CPLX2: variants seen among roughly 807,000 people sequenced by gnomAD.
CPLX2 encodes complexin 2, also known as complexin-2.
A neutral mutation model predicts 16.3 loss-of-function variants in CPLX2; 5 were observed. The ratio of observed to expected loss-of-function variants is 0.31; its 90% CI spans 0.16 to 0.64. CPLX2 has a LOEUF of 0.64. CPLX2 is among the 30% of genes least tolerant of loss of function. The pLI is 0.79. For synonymous variants in CPLX2, 89 were observed against 73.2 expected, an observed-to-expected ratio of 1.22 and a Z score of -1.10; for missense variants, 144 against 181.4, an observed-to-expected ratio of 0.79 and a Z score of 1.18.
At chr5:175,873,497 A>G (rs1026164408) in intron 1 of CPLX2, among the ~76,000 whole-genome samples, 1 of 152,158 alleles carries the variant, frequency 6.6e-6, no homozygotes, top group East Asian at 1.9e-4. Context: ...CAGAGTAACC[A>G]GGAAGGGCAA....
chr5:175,808,809 T>C (rs1386740414), intron 1 of CPLX2, among the ~76,000 whole-genome samples: 2 of 152,154 alleles, frequency 1.3e-5, no homozygotes, highest in South Asian at 4.1e-4. Flanking sequence ...AGGAGTTGGG[T>C]CTGATGCCAG....
intron 2 of CPLX2, among the ~76,000 whole-genome samples, chr5:175,826,588 A>G (rs1758619418): frequency 6.6e-6 from 1 of 152,110 alleles, no homozygotes; most frequent in African/African-American, 2.4e-5. Context: ...TGGCGGGTGA[A>G]TGGGTTGGAT....
chr5:175,857,971 G>A (rs527850028), intron 2 of CPLX2, among the ~76,000 whole-genome samples: 22 of 152,166 alleles, frequency 1.4e-4, no homozygotes, highest in African/African-American at 4.1e-4. Context: ...TCCCAGCAGC[G>A]CCAGGGCCTG....
At chr5:175,826,394 A>G (rs373401423) in intron 2 of CPLX2, among the ~76,000 whole-genome samples, 5 of 152,250 alleles carry the variant, frequency 3.3e-5, no homozygotes, top group African/African-American at 1.2e-4. Context: ...AAGGCCTTGA[A>G]TGCTATTCCC....
intron 2 of CPLX2, chr5:175,837,979 TG>T (rs1758868494): frequency 1.3e-5 from 2 of 152,220 alleles, no homozygotes; most frequent in African/African-American, 4.8e-5. Flanking sequence ...CAGCTCGTGA[TG>T]GTAAGGCTGT....
At position 175,880,296 on chromosome 5, in the gene CPLX2, G is replaced by A. The variant is rs72823153; in HGVS notation, c.*251G>A. On this transcript the variant is annotated 3_prime_UTR_variant, in exon 4 of 4. Coordinates refer to ENST00000393745, the MANE Select transcript of CPLX2 (RefSeq NM_001008220.2). Reference sequence around the variant, plus strand: ...TCTTTCCCCAGCAGGGGTCAGGGGGGCCCCTCAGGAAGCCTAAGGTCGTGC... The same window carrying A: ...TCTTTCCCCAGCAGGGGTCAGGGGGACCCCTCAGGAAGCCTAAGGTCGTGC... The A allele has an allele frequency of 8.9e-6, 5 of 561,886 alleles. No homozygotes were observed. The highest frequency in any genetic ancestry group is 5.6e-5 in the South Asian group (3 of 53,400). 34.8% of individuals were successfully genotyped at this position (561,886 alleles called of 1,614,324 possible).
intron 1 of CPLX2, among the ~76,000 whole-genome samples, chr5:175,802,695 G>T (rs1341868079): frequency 6.6e-6 from 1 of 152,178 alleles, no homozygotes; most frequent in African/African-American, 2.4e-5. Context: ...ACCCTTCCTA[G>T]CTGGACGATC....
intron 2 of CPLX2, among the ~76,000 whole-genome samples, chr5:175,850,239 T>C (rs1759125564): frequency 6.6e-6 from 1 of 152,086 alleles, no homozygotes; most frequent in Non-Finnish European, 1.5e-5. Flanking sequence ...CAGCCAGATA[T>C]GGGGCCCTGG....
chr5:175,878,814 CT>C (rs778540345), intron 2 of CPLX2, 44 bp downstream of exon 2: 1 of 1,611,034 alleles, frequency 6.2e-7, no homozygotes, highest in Non-Finnish European at 8.5e-7. Flanking sequence ...CGGTCCCACC[CT>C]TGTGGGAGGT....
At chr5:175,813,769 CT>C (rs1758355841) in intron 2 of CPLX2, among the ~76,000 whole-genome samples, 1 of 152,240 alleles carries the variant, frequency 6.6e-6, no homozygotes, top group South Asian at 2.1e-4. Context: ...GAGAGAATGA[CT>C]GCCTTTTTGG....
chr5:175,825,103 C>T (rs1249262665), intron 2 of CPLX2, among the ~76,000 whole-genome samples: 3 of 152,080 alleles, frequency 2.0e-5, no homozygotes, highest in African/African-American at 7.2e-5. Flanking sequence ...GAAGCTTTAA[C>T]TTGGCGAACT....
intron 2 of CPLX2, among the ~76,000 whole-genome samples, chr5:175,811,421 G>A (rs1054958053): frequency 6.6e-6 from 1 of 152,192 alleles, no homozygotes; most frequent in African/African-American, 2.4e-5. Flanking sequence ...AAAACTCCTT[G>A]AAAATCAAGA....
chr5:175,860,886 A>G (rs1759360821), intron 2 of CPLX2, among the ~76,000 whole-genome samples: 1 of 152,078 alleles, frequency 6.6e-6, no homozygotes, highest in African/African-American at 2.4e-5. Context: ...TCAAAAATGT[A>G]TTATGACCAC....
intron 2 of CPLX2, among the ~76,000 whole-genome samples, chr5:175,842,381 A>C (rs778703842): frequency 2.0e-5 from 3 of 152,248 alleles, no homozygotes; most frequent in Non-Finnish European, 4.4e-5. Flanking sequence ...TCCTAAAGAA[A>C]AGGAAACCAG....
intron 2 of CPLX2, among the ~76,000 whole-genome samples, chr5:175,857,981 G>A (rs1374854454): frequency 6.6e-6 from 1 of 152,218 alleles, no homozygotes; most frequent in African/African-American, 2.4e-5. Flanking sequence ...GCCAGGGCCT[G>A]TGCATACACT....
intron 2 of CPLX2, among the ~76,000 whole-genome samples, chr5:175,847,669 A>G (rs1759072866): frequency 6.6e-6 from 1 of 152,146 alleles, no homozygotes; most frequent in African/African-American, 2.4e-5. Flanking sequence ...CAGACTCAAC[A>G]ACTCCTGCAG....
intron 2 of CPLX2, among the ~76,000 whole-genome samples, chr5:175,817,903 G>A (rs1166086143): frequency 6.6e-6 from 1 of 152,180 alleles, no homozygotes. Flanking sequence ...GACTGCCACA[G>A]GACAATGATG....
chr5:175,877,012 C>T (rs959775097), intron 1 of CPLX2, among the ~76,000 whole-genome samples: 12 of 152,134 alleles, frequency 7.9e-5, no homozygotes, highest in African/African-American at 2.9e-4. Context: ...CAACGGCTGA[C>T]ATTTTATGAG....
Position 175,830,764 on chromosome 5 carries a change from C to G in CPLX2, c.-89+21696C>G, listed in dbSNP as rs1294892305. ...ATGAGTCTCCCTCCAGATCCTCACC[C>G]CTGTGGGCTGGGGGCAGCGTTCACC... On this transcript the variant is annotated intron_variant, in intron 2 of 4. Transcript: ENST00000359546. The surrounding 1 kb of genome is among the most constrained non-coding windows in gnomAD (Gnocchi z 4.0). 2.6e-5 allele frequency among the ~76,000 whole-genome samples: 4 copies of G among 152,340 alleles called. No homozygotes were observed. The East Asian group carries it at 7.7e-4, about 29-fold the overall frequency.
Sources: allele counts gnomAD v4.1 joint callset (sites outside exome capture counted in the v4.1 genomes callset), GRCh38; gene constraint gnomAD v4.1.1; non-coding constraint Gnocchi (gnomAD v3.1); transcripts MANE v1.5; gene names NCBI Gene and HGNC (gene_info 2026-07-23, HGNC 2026-07-21).